The following SIPA1L3 variants were observed in gnomAD, a reference collection of about 807,000 sequenced individuals.
SIPA1L3 encodes signal-induced proliferation-associated 1-like protein 3.
Under a neutral mutation model 150.1 loss-of-function variants are expected in SIPA1L3, and 59 were observed. The observed-to-expected ratio is 0.39, with a 90% confidence interval of 0.32 to 0.49. The LOEUF (loss-of-function observed/expected upper bound fraction) is 0.49. SIPA1L3 is among the 20% of genes least tolerant of loss of function. The pLI is 0.86. For synonymous variants in SIPA1L3, 1,070 were observed against 1,077.6 expected (o/e 0.99, Z 0.14); for missense variants, 2,211 against 2,489.5 (o/e 0.89, Z 2.38).
chr19:38,109,063 C>T (rs1970684107), intron 7 of SIPA1L3, among the ~76,000 whole-genome samples: 1 of 152,110 alleles, frequency 6.6e-6, no homozygotes, highest in Non-Finnish European at 1.5e-5. Context: ...TACGGCGTCA[C>T]CTGTGAAGAT....
chr19:37,941,289 A>C (rs2046655234), intron 1 of SIPA1L3, among the ~76,000 whole-genome samples: 1 of 152,130 alleles, frequency 6.6e-6, no homozygotes, highest in South Asian at 2.1e-4. Context: ...GTGCTGTTGT[A>C]ATTCTGTCCA....
chr19:37,965,901 C>T (rs1300560237), intron 1 of SIPA1L3, among the ~76,000 whole-genome samples: 1 of 152,182 alleles, frequency 6.6e-6, no homozygotes, highest in Non-Finnish European at 1.5e-5. Context: ...ACCTCCTGCC[C>T]ACCTCAGAAG....
At chr19:38,204,446 T>A (rs1383957490) in intron 21 of SIPA1L3, among the ~76,000 whole-genome samples, 1 of 152,186 alleles carries the variant, frequency 6.6e-6, no homozygotes, top group East Asian at 1.9e-4. Flanking sequence ...CGGAAGGCAA[T>A]TGGATAACAT....
At chr19:37,947,000 C>T (rs1051567119) in intron 1 of SIPA1L3, among the ~76,000 whole-genome samples, 4 of 151,500 alleles carry the variant, frequency 2.6e-5, no homozygotes, top group African/African-American at 7.3e-5. Context: ...TTGACACCAG[C>T]CTTGGCAACA....
chr19:38,067,728 C>T (rs1969627954), intron 2 of SIPA1L3, among the ~76,000 whole-genome samples: 1 of 151,388 alleles, frequency 6.6e-6, no homozygotes, highest in Non-Finnish European at 1.5e-5. Flanking sequence ...TGCCACTGCA[C>T]TCCAGCCTGG....
chr19:38,161,447 G>C (rs565192966), intron 13 of SIPA1L3, among the ~76,000 whole-genome samples: 1 of 151,566 alleles, frequency 6.6e-6, no homozygotes, highest in Middle Eastern at 3.2e-3. Flanking sequence ...AGTTTGGGCC[G>C]GGTGCGGTAG....
intron 8 of SIPA1L3, among the ~76,000 whole-genome samples, chr19:38,112,966 G>C (rs1970799345): frequency 6.6e-6 from 1 of 152,178 alleles, no homozygotes; most frequent in African/African-American, 2.4e-5. Flanking sequence ...CCAGCACTTT[G>C]GGAGGCTGAG....
At chr19:38,059,346 G>A (rs888953110) in intron 2 of SIPA1L3, among the ~76,000 whole-genome samples, 7 of 129,888 alleles carry the variant, frequency 5.4e-5, no homozygotes, top group Non-Finnish European at 1.1e-4. Context: ...ACGGAGTCTC[G>A]CTCTGTTGCC....
intron 1 of SIPA1L3, among the ~76,000 whole-genome samples, chr19:37,942,264 T>C (rs2046666210): frequency 6.6e-6 from 1 of 151,492 alleles, no homozygotes; most frequent in Non-Finnish European, 1.5e-5. Flanking sequence ...CAGATGGGGA[T>C]GAATAATGCT....
chr19:38,034,646 G>T (rs539808369), intron 2 of SIPA1L3, among the ~76,000 whole-genome samples: 2 of 152,246 alleles, frequency 1.3e-5, no homozygotes, highest in Admixed American at 6.5e-5. Context: ...TTAAAAAACT[G>T]TCTTGTGAAT....
chr19:37,955,140 C>T (rs353404), intron 1 of SIPA1L3, among the ~76,000 whole-genome samples: 43,921 of 146,570 alleles, frequency 0.3, 8,338 homozygotes, highest in East Asian at 0.68. Context: ...ACCTGTAATC[C>T]TAGCACTTTG....
intron 1 of SIPA1L3, among the ~76,000 whole-genome samples, chr19:37,989,089 C>T (rs866220593): frequency 3.9e-5 from 6 of 152,170 alleles, no homozygotes; most frequent in Non-Finnish European, 1.5e-5. Flanking sequence ...CGGTGCCTGC[C>T]GTGTAGGAGG....
chr19:38,143,029 C>T (rs1971628052), intron 12 of SIPA1L3, among the ~76,000 whole-genome samples: 1 of 152,182 alleles, frequency 6.6e-6, no homozygotes, highest in Non-Finnish European at 1.5e-5. Context: ...GCCCCTAGGA[C>T]CAGGCTGCCA....
At chr19:37,968,307 A>G (rs555565936) in intron 1 of SIPA1L3, among the ~76,000 whole-genome samples, 3 of 152,156 alleles carry the variant, frequency 2.0e-5, no homozygotes, top group African/African-American at 7.2e-5. Flanking sequence ...TCCTGACCTC[A>G]GGTGATCTGC....
chr19:37,927,659 GTGTGTGT>G (rs2046516992), intron 1 of SIPA1L3, among the ~76,000 whole-genome samples: 4 of 59,486 alleles, frequency 6.7e-5, no homozygotes, highest in Non-Finnish European at 1.3e-4. Context: ...CATGGGGTGT[GTGTGTGT>G]GTGTGTGTGT....
intron 7 of SIPA1L3, among the ~76,000 whole-genome samples, chr19:38,107,576 TTAG>T (rs1013535577): frequency 6.6e-5 from 10 of 152,224 alleles, no homozygotes; most frequent in African/African-American, 2.4e-4. Context: ...TGCTGACAGT[TTAG>T]GAAGTAAGTG....
At chr19:37,979,630 G>A (rs1359261372) in intron 1 of SIPA1L3, among the ~76,000 whole-genome samples, 2 of 152,026 alleles carry the variant, frequency 1.3e-5, no homozygotes, top group Non-Finnish European at 2.9e-5. Flanking sequence ...ATTTGGTTGT[G>A]TATTGTCTGT....
At position 38,037,708 on chromosome 19, in the gene SIPA1L3, T is replaced by A. The variant is rs566050786; in HGVS notation, c.-311+8552T>A. Among the ~76,000 whole-genome samples the A allele has an allele frequency of 2.6e-5, 4 of 152,214 alleles. No individual in the cohort carries two copies. The East Asian group carries it at 7.7e-4, about 29-fold the overall frequency. ...ACAGGCAGTGAACCAGGCAGATACA[T>A]AGGATAATTTTTACCTGGTGAAAAA... On this transcript the variant is annotated intron_variant, in intron 2 of 21. Coordinates refer to ENST00000222345, the MANE Select transcript of SIPA1L3 (RefSeq NM_015073.3).
Position 38,192,215 on chromosome 19 carries a change from T to G in SIPA1L3, c.4501T>G (p.Ser1501Ala). The change falls in exon 17 of 22, where the codon TCA (serine) becomes GCA (alanine). Residue 1501 changes from serine to alanine, a missense_variant. By Grantham distance (99) the Ser-to-Ala change is moderately conservative. Coordinates refer to ENST00000222345, the MANE Select transcript of SIPA1L3 (RefSeq NM_015073.3). ...GAGGGCATCCCTCCGAGACCTCCGG[T>G]CACCACGGAAGAACTACAAATCCAC... ...RLRASLRDLR[S>A]PRKNYKSTIE... 1 of 1,612,332 alleles carries G rather than the reference T, an allele frequency of 6.2e-7. No homozygotes were observed. The highest frequency in any genetic ancestry group is 8.5e-7 in the Non-Finnish European group (1 of 1,179,266).
Sources: allele counts gnomAD v4.1 joint callset (sites outside exome capture counted in the v4.1 genomes callset), GRCh38; gene constraint gnomAD v4.1.1; transcripts MANE v1.5; gene names NCBI Gene and HGNC (gene_info 2026-07-23, HGNC 2026-07-21).